KCNQ4: variants seen among roughly 807,000 people sequenced by gnomAD.
KCNQ4 encodes potassium voltage-gated channel subfamily KQT member 4.
In KCNQ4, 31 loss-of-function variants were observed where a neutral mutation model predicts 72.6. The observed-to-expected ratio is 0.43, with a 90% CI of 0.32 to 0.58. KCNQ4 has a LOEUF of 0.58. Among genes scored for constraint, KCNQ4 ranks in the 20% least tolerant of loss-of-function variants. KCNQ4 has a pLI of 0.08. For missense variants in KCNQ4, 869 were observed against 962.6 expected (o/e 0.90, Z 1.29); for synonymous variants, 405 against 403.7 (o/e 1.00, Z -0.04).
chr1:40,826,847 A>T (rs1648494687), intron 9 of KCNQ4, among the ~76,000 whole-genome samples: 1 of 152,190 alleles, frequency 6.6e-6, no homozygotes, highest in African/African-American at 2.4e-5. Flanking sequence ...CCTTTCTGGG[A>T]TGCCTCTGCT....
intron 1 of KCNQ4, among the ~76,000 whole-genome samples, chr1:40,800,410 A>G (rs1024293098): frequency 2.0e-5 from 3 of 152,204 alleles, no homozygotes; most frequent in Non-Finnish European, 4.4e-5. Context: ...GGATAGAGCA[A>G]ATTTTATTTA....
rs1217643987 is a variant in KCNQ4, at chr1:40,819,995, C to G, written c.945+10C>G. 24 of 1,610,710 alleles carry G rather than the reference C, an allele frequency of 1.5e-5. No homozygotes were observed. The highest frequency in any genetic ancestry group is 2.0e-5 in the Non-Finnish European group (24 of 1,176,886). On this transcript the variant is annotated intron_variant, in intron 6 of 13. Transcript: ENST00000347132. ...CTTTGCCCTGCCTGCCGTGAGTTGCCTCCTGCTCAGTTGGTGGGGGAGGCT... is the reference window on the plus strand; with the variant it reads ...CTTTGCCCTGCCTGCCGTGAGTTGCGTCCTGCTCAGTTGGTGGGGGAGGCT...
intron 12 of KCNQ4, among the ~76,000 whole-genome samples, chr1:40,835,585 ACTCATT>A (rs1031612356): frequency 2.0e-5 from 3 of 151,986 alleles, no homozygotes; most frequent in African/African-American, 7.3e-5. Context: ...TTCACTGTCC[ACTCATT>A]CATTTAATCA....
Position 40,834,951 on chromosome 1 carries a change from C to G in KCNQ4, c.1614-16C>G. ...GCTCTAACAGGACACTCCCTCTGAG[C>G]CCCCTCCCCCAACAGGATTCTCAAG... On this transcript the variant is annotated splice_polypyrimidine_tract_variant and intron_variant, in intron 11 of 13. Coordinates refer to ENST00000347132, the MANE Select transcript of KCNQ4 (RefSeq NM_004700.4). 6.2e-7 allele frequency: 1 copy of G among 1,612,176 alleles called. No individual in the cohort carries two copies. Among genetic ancestry groups the G allele is most frequent in the Non-Finnish European group, 8.5e-7 (1 of 1,178,780 alleles).
chr1:40,818,545 G>A lies in KCNQ4; in HGVS notation c.573G>A (p.Ala191=), dbSNP rs745880026. The A allele has an allele frequency of 1.2e-6, 2 of 1,603,054 alleles. No individual in the cohort carries two copies. Among genetic ancestry groups the A allele is most frequent in the African/African-American group, 1.3e-5 (1 of 75,036 alleles). The change falls in exon 4 of 14, where the codon GCG becomes GCA. Residue 191 remains alanine (A), a synonymous_variant. Coordinates refer to ENST00000347132, the MANE Select transcript of KCNQ4 (RefSeq NM_004700.4). The part of the protein sequence containing the change: ...VFVASVAVIA[A]GTQGNIFATS... ...TGGCCTCGGTGGCCGTCATCGCCGC[G>A]GGTACCCAGGGCAACATCTTCGCCA...
intron 1 of KCNQ4, among the ~76,000 whole-genome samples, chr1:40,790,874 G>C (rs145483526): frequency 9.2e-5 from 14 of 152,298 alleles, no homozygotes; most frequent in South Asian, 2.1e-4. Context: ...GAGAGGTTTG[G>C]AGAGAGGTCT....
Position 40,824,230 on chromosome 1 carries a change from G to A in KCNQ4, c.1264G>A (p.Gly422Ser), listed in dbSNP as rs766559631. 2.3e-5 allele frequency: 37 copies of A among 1,608,326 alleles called. No homozygotes were observed. The South Asian group carries it at 2.5e-4, about 11-fold the overall frequency. Reference sequence around the variant, plus strand: ...GCCCGTTGCCACCTGCCACCGGCCGGGCAGCACCTCCTTCTGCCCTGGGGA... The same window carrying A: ...GCCCGTTGCCACCTGCCACCGGCCGAGCAGCACCTCCTTCTGCCCTGGGGA... ...YPPVATCHRP[G>S]STSFCPGESS... The change falls in exon 9 of 14, where the codon GGC becomes AGC. Residue 422 changes from glycine (G) to serine (S), a missense_variant. Physicochemically the swap from Gly to Ser is moderately conservative, Grantham distance 56. Around this residue, in one of 5 missense-constraint regions of KCNQ4, gnomAD observed 480 missense variants for 501.9 expected, o/e 0.96. Transcript: ENST00000347132.
At position 40,793,852 on chromosome 1, in the gene KCNQ4, C is replaced by G. The variant is rs188706955; in HGVS notation, c.314+9445C>G. 3.9e-4 allele frequency among the ~76,000 whole-genome samples: 60 copies of G among 152,296 alleles called. No homozygotes were observed. In the East Asian group the frequency reaches 8.3e-3, roughly 21 times the overall value. On this transcript the variant is annotated intron_variant, in intron 1 of 13. Coordinates refer to ENST00000347132, the MANE Select transcript of KCNQ4 (RefSeq NM_004700.4). ...ACCTCTTCTTGGAAGCACTCCCTAT[C>G]CCCATTACCCCCAGGCTCAACTGAG...
rs771147363 is a variant in KCNQ4 at position 40,817,220 on chromosome 1, T to TG, written c.315-44dup. 51 of 1,535,776 alleles carry TG rather than the reference T, an allele frequency of 3.3e-5. No homozygotes were observed. Among genetic ancestry groups the TG allele is most frequent in the Non-Finnish European group, 4.4e-5 (49 of 1,111,888 alleles). Reference sequence around the variant, plus strand: ...CCTGCCAGGGGCACCTTGGCTGTCCTGTCCCTCCAACAATCTAACCCTCTC... The same window carrying TG: ...CCTGCCAGGGGCACCTTGGCTGTCCTGGTCCCTCCAACAATCTAACCCTCTC... On this transcript the variant is annotated intron_variant, in intron 1 of 13. Coordinates refer to ENST00000347132, the MANE Select transcript of KCNQ4 (RefSeq NM_004700.4). The surrounding 1 kb of genome is among the most constrained non-coding windows in gnomAD (Gnocchi z 5.5).
At chr1:40,805,998 C>T (rs1647747270) in intron 1 of KCNQ4, among the ~76,000 whole-genome samples, 1 of 152,144 alleles carries the variant, frequency 6.6e-6, no homozygotes, top group South Asian at 2.1e-4. Context: ...CCCACCACCA[C>T]GCCTGGCTAA....
At chr1:40,793,348 T>C (rs79115485) in intron 1 of KCNQ4, among the ~76,000 whole-genome samples, 2,591 of 152,176 alleles carry the variant, frequency 0.017, 98 homozygotes, top group African/African-American at 0.059. Context: ...GGCTTTTCTC[T>C]CTTGGTTCTA....
At chr1:40,807,324 C>T (rs1025077325) in intron 1 of KCNQ4, among the ~76,000 whole-genome samples, 1 of 152,110 alleles carries the variant, frequency 6.6e-6, no homozygotes, top group Non-Finnish European at 1.5e-5. Flanking sequence ...AGTAGTGCTC[C>T]ACCTACATGT....
At chr1:40,796,741 AC>A (rs1340864861) in intron 1 of KCNQ4, among the ~76,000 whole-genome samples, 1 of 152,064 alleles carries the variant, frequency 6.6e-6, no homozygotes, top group African/African-American at 2.4e-5. Flanking sequence ...ACATGGTGAA[AC>A]CCCGTCTCTA....
intron 1 of KCNQ4, among the ~76,000 whole-genome samples, chr1:40,803,773 C>T (rs1386205140): frequency 6.6e-6 from 1 of 152,196 alleles, no homozygotes; most frequent in Non-Finnish European, 1.5e-5. Context: ...ACCAGATGCC[C>T]CAGGTGTGGC....
rs2361658 is a variant in KCNQ4, at chr1:40,818,837, C to G, written c.708+157C>G. ...GCCCTAGCAGGAGGCGAGGTCTAAG[C>G]GGGTGGGGCGAAGTGGATTCTGAAT... On this transcript the variant is annotated intron_variant, in intron 4 of 13. Coordinates refer to ENST00000347132, the MANE Select transcript of KCNQ4 (RefSeq NM_004700.4). 0.67 allele frequency: 528,508 copies of G among 787,666 alleles called. 181,180 individuals are homozygous for G. The highest frequency in any genetic ancestry group is 0.72 in the Non-Finnish European group (343,172 of 475,656). The allele number at this position is 787,666 out of a possible 1,614,324, so 48.8% of individuals were successfully genotyped here. A position where few individuals can be genotyped will look rare whatever the true frequency, so the allele number is the denominator to read the frequency against.
intron 13 of KCNQ4, 70 bp downstream of exon 13, chr1:40,837,864 G>C: frequency 6.4e-7 from 1 of 1,552,232 alleles, no homozygotes; most frequent in Non-Finnish European, 8.7e-7. Context: ...ACATGGGGAG[G>C]ATGCGTTTCC....
chr1:40,817,124 C>T lies in KCNQ4; in HGVS notation c.315-141C>T, dbSNP rs1215412579. Reference sequence around the variant, plus strand: ...GGTGCCCAGCACAGAGCTGTAACTCCAGGGAATTCCAATTCTGATTTCCAC... The same window carrying T: ...GGTGCCCAGCACAGAGCTGTAACTCTAGGGAATTCCAATTCTGATTTCCAC... On this transcript the variant is annotated intron_variant, in intron 1 of 13. Transcript: ENST00000347132. This position sits in a 1 kb window ranked among gnomAD's most constrained non-coding sequence, Gnocchi z 5.5. 6.9e-6 allele frequency: 5 copies of T among 726,162 alleles called. No individual in the cohort carries two copies. The highest frequency in any genetic ancestry group is 3.5e-5 in the African/African-American group (2 of 57,704). The allele number at this position is 726,162 out of a possible 1,614,324, so 45.0% of individuals were successfully genotyped here.
intron 11 of KCNQ4, 41 bp downstream of exon 11, chr1:40,833,154 C>T (rs1343391902): frequency 6.9e-7 from 1 of 1,442,630 alleles, no homozygotes; most frequent in Admixed American, 1.7e-5. Flanking sequence ...CTCCGTGTGC[C>T]ACCCACTGCT....
intron 1 of KCNQ4, among the ~76,000 whole-genome samples, chr1:40,789,872 C>T (rs531816885): frequency 4.6e-5 from 7 of 152,184 alleles, no homozygotes; most frequent in East Asian, 1.9e-4. Context: ...AAAGGAAGGC[C>T]GAGGCCCTGC....
Sources: allele counts gnomAD v4.1 joint callset (sites outside exome capture counted in the v4.1 genomes callset), GRCh38; gene constraint gnomAD v4.1.1; regional missense constraint gnomAD v4.1.1; non-coding constraint Gnocchi (gnomAD v3.1); transcripts MANE v1.5; gene names NCBI Gene and HGNC (gene_info 2026-07-23, HGNC 2026-07-21).